STAG1: variants seen among roughly 807,000 people sequenced by gnomAD.
STAG1 encodes the protein STAG1 cohesin complex component, also known as cohesin subunit SA-1.
STAG1 carries 26 observed loss-of-function variants against 170.9 expected under a neutral mutation model. The ratio of observed to expected loss-of-function variants is 0.15; its 90% CI spans 0.11 to 0.21. The LOEUF (loss-of-function observed/expected upper bound fraction) is 0.21. Ranked by LOEUF, STAG1 falls within the 10% of genes least tolerant of loss-of-function variation. The pLI is 1.00. For synonymous variants in STAG1, 514 were observed against 497.7 expected (o/e 1.03, Z -0.44); for missense variants, 964 against 1,509.5 (o/e 0.64, Z 5.99).
At chr3:136,440,366 T>G (rs941788640) in intron 15 of STAG1, among the ~76,000 whole-genome samples, 75 of 152,172 alleles carry the variant, frequency 4.9e-4, no homozygotes, top group Non-Finnish European at 3.2e-4. Flanking sequence ...CTCGATCTCC[T>G]GACCTCATGA....
intron 6 of STAG1, among the ~76,000 whole-genome samples, chr3:136,541,692 A>G (rs970846826): frequency 6.6e-6 from 1 of 152,160 alleles, no homozygotes; most frequent in Non-Finnish European, 1.5e-5. Context: ...CTTAAATAAC[A>G]TAATGTGATT....
At chr3:136,548,447 T>C (rs138929844) in intron 5 of STAG1, among the ~76,000 whole-genome samples, 1 of 152,272 alleles carries the variant, frequency 6.6e-6, no homozygotes, top group African/African-American at 2.4e-5. Flanking sequence ...GTATCGTATT[T>C]TGAAGTTTGG....
At position 136,638,139 on chromosome 3, in the gene STAG1, T is replaced by TC. The variant is rs112168690; in HGVS notation, c.-83-7159_-83-7158insG. Among the ~76,000 whole-genome samples the TC allele has an allele frequency of 1.8e-4, 28 of 151,962 alleles. 1 individual carries two copies. The highest frequency in any genetic ancestry group is 6.5e-4 in the African/African-American group (27 of 41,470). On this transcript the variant is annotated intron_variant, in intron 1 of 33. Coordinates refer to ENST00000383202, the MANE Select transcript of STAG1 (RefSeq NM_005862.3). ...ACCCAGGCTGCATTTTCTTTTTTTT[T>TC]TTTTGAGACAGAGTTTTGCTCTTGT...
chr3:136,428,271 C>T lies in STAG1; in HGVS notation c.1651-5227G>A, dbSNP rs911955067. Reference sequence around the variant, plus strand: ...GAAGGGAAAAGATAAACATCAGCTGCCTGTCTTTTTTTGCCAGTAATGTCT... The same window carrying T: ...GAAGGGAAAAGATAAACATCAGCTGTCTGTCTTTTTTTGCCAGTAATGTCT... On this transcript the variant is annotated intron_variant, in intron 16 of 33. Transcript: ENST00000383202. Among the ~76,000 whole-genome samples, 4 of 152,088 alleles carry T rather than the reference C, an allele frequency of 2.6e-5. No homozygotes were observed. In the East Asian group the frequency reaches 7.7e-4, roughly 29 times the overall value.
At chr3:136,638,337 A>G (rs1160976128) in intron 1 of STAG1, among the ~76,000 whole-genome samples, 1 of 151,366 alleles carries the variant, frequency 6.6e-6, no homozygotes, top group Non-Finnish European at 1.5e-5. Flanking sequence ...GTTTCACCAT[A>G]TTTGTCAGGC....
At chr3:136,593,653 A>C (rs1938293410) in intron 4 of STAG1, among the ~76,000 whole-genome samples, 1 of 152,238 alleles carries the variant, frequency 6.6e-6, no homozygotes, top group Admixed American at 6.5e-5. Flanking sequence ...AGAAATAAAC[A>C]TCTATCTTGT....
At chr3:136,453,943 G>C (rs768022277) in intron 13 of STAG1, among the ~76,000 whole-genome samples, 2 of 151,714 alleles carry the variant, frequency 1.3e-5, no homozygotes, top group Non-Finnish European at 2.9e-5. Flanking sequence ...CAGGTGAGGA[G>C]GAAGGCATAT....
At chr3:136,709,486 GC>G (rs904860989) in intron 1 of STAG1, among the ~76,000 whole-genome samples, 11 of 151,826 alleles carry the variant, frequency 7.2e-5, no homozygotes, top group Admixed American at 1.3e-4. Context: ...TATAATCACA[GC>G]AATTTGGGAG....
At chr3:136,506,269 A>G (rs1437257518) in intron 7 of STAG1, among the ~76,000 whole-genome samples, 2 of 152,124 alleles carry the variant, frequency 1.3e-5, no homozygotes, top group South Asian at 2.1e-4. Context: ...CAACTCAGTG[A>G]AATGATGCTG....
At chr3:136,521,917 C>A (rs930081516) in intron 6 of STAG1, among the ~76,000 whole-genome samples, 1 of 152,092 alleles carries the variant, frequency 6.6e-6, no homozygotes, top group African/African-American at 2.4e-5. Context: ...AAATTCCAAC[C>A]AAATTTCCTC....
intron 1 of STAG1, among the ~76,000 whole-genome samples, chr3:136,723,349 G>A (rs1026524735): frequency 6.9e-5 from 10 of 145,492 alleles, no homozygotes; most frequent in East Asian, 6.4e-4. Flanking sequence ...CCGCCGCCCC[G>A]TCTGGGATGT....
At chr3:136,595,679 TA>T (rs1938391460) in intron 4 of STAG1, among the ~76,000 whole-genome samples, 3 of 2,092 alleles carry the variant, frequency 1.4e-3, no homozygotes, top group African/African-American at 3.0e-3. Context: ...TCCATCTCAA[TA>T]AATAAATAAA....
chr3:136,679,313 C>T (rs1229928551), intron 1 of STAG1, among the ~76,000 whole-genome samples: 1 of 152,176 alleles, frequency 6.6e-6, no homozygotes, highest in Non-Finnish European at 1.5e-5. Context: ...GGCACGGTGG[C>T]TCATGCCTGT....
At chr3:136,558,998 GGA>G (rs1169084446) in intron 5 of STAG1, among the ~76,000 whole-genome samples, 1 of 152,160 alleles carries the variant, frequency 6.6e-6, no homozygotes, top group African/African-American at 2.4e-5. Context: ...TACAACTGGA[GGA>G]GAGGGAGAAA....
At chr3:136,640,808 G>A (rs1223162973) in intron 1 of STAG1, among the ~76,000 whole-genome samples, 4 of 150,778 alleles carry the variant, frequency 2.7e-5, no homozygotes, top group African/African-American at 9.8e-5. Flanking sequence ...GAGTAGTTGG[G>A]ATTACAGGCG....
intron 21 of STAG1, among the ~76,000 whole-genome samples, chr3:136,410,068 TAA>T (rs766763989): frequency 1.6e-4 from 15 of 93,050 alleles, no homozygotes; most frequent in South Asian, 4.0e-4. Context: ...AGTCCTTGTC[TAA>T]AAAAAAAAAA....
intron 4 of STAG1, among the ~76,000 whole-genome samples, chr3:136,589,628 CAAAAAA>C (rs71626007): frequency 1.1e-4 from 5 of 46,186 alleles, no homozygotes; most frequent in South Asian, 1.8e-3. Flanking sequence ...CAAAGGGAGC[CAAAAAA>C]AAAAAAAAAA....
At chr3:136,522,136 G>A (rs1169842503) in intron 6 of STAG1, among the ~76,000 whole-genome samples, 2 of 152,206 alleles carry the variant, frequency 1.3e-5, no homozygotes, top group African/African-American at 4.8e-5. Flanking sequence ...GGTAGGGAAT[G>A]AGGAATTCTG....
At chr3:136,488,246 C>T (rs2090055358) in intron 9 of STAG1, among the ~76,000 whole-genome samples, 1 of 152,188 alleles carries the variant, frequency 6.6e-6, no homozygotes, top group South Asian at 2.1e-4. Flanking sequence ...CCTCAGCCTC[C>T]CGAGTAGCTG....
Sources: gnomAD v4.1 joint callset for allele counts (sites outside exome capture counted in the v4.1 genomes callset) on GRCh38, gnomAD v4.1.1 for gene constraint, MANE v1.5 for transcripts, NCBI Gene and HGNC (gene_info 2026-07-23, HGNC 2026-07-21) for gene names.